KIRREL3: variants seen among roughly 807,000 people sequenced by gnomAD.
KIRREL3 encodes the protein kin of IRRE-like protein 3.
In KIRREL3, 36 loss-of-function variants were observed where a neutral mutation model predicts 89.7. That is an observed-to-expected ratio of 0.40 (90% CI 0.31 to 0.53). The LOEUF is 0.53. Ranked by LOEUF, KIRREL3 falls within the 20% of genes least tolerant of loss-of-function variation. KIRREL3 has a pLI of 0.49. For missense variants in KIRREL3, 864 were observed against 1,056.6 expected (o/e 0.82, Z 2.53); for synonymous variants, 445 against 441.4 (o/e 1.01, Z -0.10).
intron 1 of KIRREL3, among the ~76,000 whole-genome samples, chr11:126,840,634 C>T (rs886825595): frequency 5.9e-5 from 9 of 152,188 alleles, no homozygotes; most frequent in Non-Finnish European, 1.0e-4. Context: ...AGTTTTAAAT[C>T]GCATGCCATT....
In KIRREL3 at chr11:126,917,279, A is replaced by G. The variant is rs544917893; in HGVS notation, c.55+83176T>C. Among the ~76,000 whole-genome samples, 4 of 152,298 alleles carry G rather than the reference A, an allele frequency of 2.6e-5. No individual in the cohort carries two copies. The highest frequency in any genetic ancestry group is 9.6e-5 in the African/African-American group (4 of 41,574). Reference sequence around the variant, plus strand: ...AATTCATAAAAATAAAAAATAGATTAAAGGTTATCAGGACTGAGACGGAAG... The same window carrying G: ...AATTCATAAAAATAAAAAATAGATTGAAGGTTATCAGGACTGAGACGGAAG... On this transcript the variant is annotated intron_variant, in intron 1 of 16. Transcript: ENST00000525144. This position sits in a 1 kb window ranked among gnomAD's most constrained non-coding sequence, Gnocchi z 5.0.
chr11:126,534,751 C>T (rs1937706823), intron 2 of KIRREL3, among the ~76,000 whole-genome samples: 1 of 152,194 alleles, frequency 6.6e-6, no homozygotes, highest in African/African-American at 2.4e-5. Flanking sequence ...GCCACCCCCT[C>T]GTGCCAAGTT....
intron 1 of KIRREL3, among the ~76,000 whole-genome samples, chr11:126,738,010 C>T (rs1010269920): frequency 1.3e-5 from 2 of 152,162 alleles, no homozygotes; most frequent in African/African-American, 4.8e-5. Flanking sequence ...AACCATCCCA[C>T]TTTATCTCTC....
intron 4 of KIRREL3, among the ~76,000 whole-genome samples, chr11:126,511,402 A>G (rs1158475314): frequency 6.6e-6 from 1 of 151,996 alleles, no homozygotes; most frequent in Non-Finnish European, 1.5e-5. Flanking sequence ...GGGTCCCCAA[A>G]CACCTCTCTC....
intron 2 of KIRREL3, among the ~76,000 whole-genome samples, chr11:126,552,171 C>G (rs1304539886): frequency 6.6e-6 from 1 of 152,144 alleles, no homozygotes; most frequent in South Asian, 2.1e-4. Flanking sequence ...CTCCACTAGT[C>G]GTTTATTTTT....
intron 1 of KIRREL3, among the ~76,000 whole-genome samples, chr11:126,875,068 C>T (rs12294952): frequency 0.015 from 2,264 of 152,280 alleles, 68 homozygotes; most frequent in African/African-American, 0.052. Context: ...GGGCCCCAAT[C>T]CATTACCCCA....
rs1453086118 is a variant in KIRREL3, at chr11:126,948,485, A to G, written c.55+51970T>C. Among the ~76,000 whole-genome samples the G allele has an allele frequency of 6.6e-6, 1 of 152,212 alleles. No homozygotes were observed. Among genetic ancestry groups the G allele is most frequent in the Non-Finnish European group, 1.5e-5 (1 of 68,032 alleles). On this transcript the variant is annotated intron_variant, in intron 1 of 16. Coordinates refer to ENST00000525144, the MANE Select transcript of KIRREL3 (RefSeq NM_032531.4). This position sits in a 1 kb window ranked among gnomAD's most constrained non-coding sequence, Gnocchi z 4.5. ...ATACTATGCAGGGACTCTTGTTCAT[A>G]GTGCAATGCCCAAAGAACTAGCATA...
rs1944627004 is a variant in KIRREL3 at position 126,645,369 on chromosome 11, G to C, written c.56-82457C>G. 6.6e-6 allele frequency among the ~76,000 whole-genome samples: 1 copy of C among 152,160 alleles called. No homozygotes were observed. Among genetic ancestry groups the C allele is most frequent in the Non-Finnish European group, 1.5e-5 (1 of 68,022 alleles). On this transcript the variant is annotated intron_variant, in intron 1 of 16. Coordinates refer to ENST00000525144, the MANE Select transcript of KIRREL3 (RefSeq NM_032531.4). The surrounding 1 kb of genome is among the most constrained non-coding windows in gnomAD (Gnocchi z 4.9). ...CCCAGAGCATTTACCACACGGTGCT[G>C]CTGGTATGCCAGCCTTTCTCCTTCC...
chr11:126,682,366 G>A lies in KIRREL3; in HGVS notation c.56-119454C>T, dbSNP rs955010533. 6.6e-6 allele frequency among the ~76,000 whole-genome samples: 1 copy of A among 152,142 alleles called. No homozygotes were observed. Among genetic ancestry groups the A allele is most frequent in the Non-Finnish European group, 1.5e-5 (1 of 68,022 alleles). Reference sequence around the variant, plus strand: ...AGCACAGTTTCCTCATCTGCAAAATGAGGATGATAATATCCTCCTCCCAGT... The same window carrying A: ...AGCACAGTTTCCTCATCTGCAAAATAAGGATGATAATATCCTCCTCCCAGT... On this transcript the variant is annotated intron_variant, in intron 1 of 16. Coordinates refer to ENST00000525144, the MANE Select transcript of KIRREL3 (RefSeq NM_032531.4). This position sits in a 1 kb window ranked among gnomAD's most constrained non-coding sequence, Gnocchi z 4.8.
In KIRREL3 at chr11:126,519,359, T is replaced by C. The variant is rs1023821883; in HGVS notation, c.433+1956A>G. 6.6e-6 allele frequency among the ~76,000 whole-genome samples: 1 copy of C among 152,222 alleles called. No homozygotes were observed. Among genetic ancestry groups the C allele is most frequent in the Non-Finnish European group, 1.5e-5 (1 of 68,030 alleles). On this transcript the variant is annotated intron_variant, in intron 4 of 16. Transcript: ENST00000525144. The surrounding 1 kb of genome is among the most constrained non-coding windows in gnomAD (Gnocchi z 4.3). Reference sequence around the variant, plus strand: ...GAGCTGAAAAATCTGGAGTTGATTTTGAAGGTTAATTAAGCTGTGTCACCT... The same window carrying C: ...GAGCTGAAAAATCTGGAGTTGATTTCGAAGGTTAATTAAGCTGTGTCACCT...
At chr11:126,466,930 G>A (rs1201648371) in intron 5 of KIRREL3, among the ~76,000 whole-genome samples, 1 of 152,220 alleles carries the variant, frequency 6.6e-6, no homozygotes, top group East Asian at 1.9e-4. Context: ...CTCCAGTGTG[G>A]TGAGCACTAA....
At chr11:126,590,024 T>A (rs535558696) in intron 1 of KIRREL3, among the ~76,000 whole-genome samples, 1 of 152,286 alleles carries the variant, frequency 6.6e-6, no homozygotes, top group South Asian at 2.1e-4. Flanking sequence ...TGAAAGCTGA[T>A]CTCAACACCA....
chr11:126,988,665 C>A (rs1055109814), intron 1 of KIRREL3: 4 of 152,562 alleles, frequency 2.6e-5, no homozygotes, highest in Admixed American at 1.3e-4. Flanking sequence ...AGTCGAATGA[C>A]CTTCAGGCAA....
chr11:126,438,045 G>A (rs1955424945), intron 11 of KIRREL3, among the ~76,000 whole-genome samples: 1 of 152,236 alleles, frequency 6.6e-6, no homozygotes, highest in Non-Finnish European at 1.5e-5. Context: ...GGCATCCTCA[G>A]AGGGTCTTTC....
In KIRREL3 at chr11:126,705,214, TTA is replaced by T. The variant is rs1045678929; in HGVS notation, c.56-142304_56-142303del. The stretch of plus-strand genomic sequence containing the variant: ...GTTTATTTGCATCATTCTGCAAATT[TTA>T]TATATGTCTTTGTGATATGGTTTGG... On this transcript the variant is annotated intron_variant, in intron 1 of 16. Transcript: ENST00000525144. This position sits in a 1 kb window ranked among gnomAD's most constrained non-coding sequence, Gnocchi z 4.3. Among the ~76,000 whole-genome samples, 2 of 152,214 alleles carry T rather than the reference TTA, an allele frequency of 1.3e-5. No homozygotes were observed. The highest frequency in any genetic ancestry group is 2.9e-5 in the Non-Finnish European group (2 of 68,038).
At chr11:126,693,630 C>CACAT (rs1010712446) in intron 1 of KIRREL3, among the ~76,000 whole-genome samples, 2 of 151,694 alleles carry the variant, frequency 1.3e-5, no homozygotes, top group African/African-American at 2.4e-5. Context: ...CACACACACA[C>CACAT]ACCCATAGTC....
intron 7 of KIRREL3, among the ~76,000 whole-genome samples, chr11:126,450,975 G>T (rs1266758682): frequency 2.6e-5 from 4 of 151,056 alleles, no homozygotes; most frequent in African/African-American, 9.8e-5. Context: ...GCATGCATGG[G>T]TGTGTGCATG....
Position 126,918,932 on chromosome 11 carries a change from GTCATATGTTATAACA to G in KIRREL3, c.55+81508_55+81522del, listed in dbSNP as rs974448356. 6.6e-6 allele frequency among the ~76,000 whole-genome samples: 1 copy of G among 151,248 alleles called. No homozygotes were observed. The highest frequency in any genetic ancestry group is 1.5e-5 in the Non-Finnish European group (1 of 67,892). ...ACCCAAGGAAATATGATTTTATAAC[GTCATATGTTATAACA>G]TCATATGTTATAAGATATGTATTGT... On this transcript the variant is annotated intron_variant, in intron 1 of 16. Coordinates refer to ENST00000525144, the MANE Select transcript of KIRREL3 (RefSeq NM_032531.4). The surrounding 1 kb of genome is among the most constrained non-coding windows in gnomAD (Gnocchi z 6.5).
intron 1 of KIRREL3, among the ~76,000 whole-genome samples, chr11:126,706,051 T>A (rs1488332942): frequency 1.3e-5 from 2 of 152,234 alleles, no homozygotes; most frequent in Non-Finnish European, 2.9e-5. Flanking sequence ...ATCAGCCATG[T>A]GAGTGAACCA....
Sources: allele counts gnomAD v4.1 joint callset (sites outside exome capture counted in the v4.1 genomes callset), GRCh38; gene constraint gnomAD v4.1.1; non-coding constraint Gnocchi (gnomAD v3.1); transcripts MANE v1.5; gene names NCBI Gene and HGNC (gene_info 2026-07-23, HGNC 2026-07-21).